Variants in CHRNA7 observed in about 807,000 individuals in gnomAD.
The protein encoded by CHRNA7 is cholinergic receptor nicotinic alpha 7 subunit.
A neutral mutation model predicts 48.0 loss-of-function variants in CHRNA7; 17 were observed. That is an observed-to-expected ratio of 0.35 (90% CI 0.24 to 0.53). The LOEUF is 0.53. Ranked by LOEUF, CHRNA7 falls within the 20% of genes least tolerant of loss-of-function variation. The pLI is 0.92. For missense variants in CHRNA7, 155 were observed against 577.7 expected (o/e 0.27, Z 7.50); for synonymous variants, 75 against 242.3 (o/e 0.31, Z 6.41).
intron 4 of CHRNA7, among the ~76,000 whole-genome samples, chr15:32,114,077 C>CACATATATATATATAT (rs2050822815): frequency 6.4e-5 from 6 of 93,826 alleles, no homozygotes; most frequent in African/African-American, 2.7e-4. Flanking sequence ...TATATATATA[C>CACATATATATATATAT]ACATACATAC....
At chr15:32,114,515 G>A (rs560418795) in intron 4 of CHRNA7, among the ~76,000 whole-genome samples, 6 of 152,130 alleles carry the variant, frequency 3.9e-5, no homozygotes, top group South Asian at 2.1e-4. Context: ...GACCACGTCC[G>A]CCAGGCTTCA....
chr15:32,046,035 A>G (rs921460247), intron 2 of CHRNA7, among the ~76,000 whole-genome samples: 1 of 151,226 alleles, frequency 6.6e-6, no homozygotes, highest in African/African-American at 2.4e-5. Flanking sequence ...TCCATGGTGT[A>G]TATGTGCCAC....
chr15:32,064,093 A>G (rs775381498), intron 2 of CHRNA7, among the ~76,000 whole-genome samples: 7 of 152,204 alleles, frequency 4.6e-5, no homozygotes, highest in Non-Finnish European at 7.3e-5. Flanking sequence ...TCTTATTCCA[A>G]TGTTCCAGTT....
chr15:32,153,040 CTTCT>C (rs1347942147), intron 4 of CHRNA7, among the ~76,000 whole-genome samples: 1 of 126,944 alleles, frequency 7.9e-6, no homozygotes, highest in Non-Finnish European at 1.7e-5. Flanking sequence ...CCTCACTCTC[CTTCT>C]TTTCATCGCT....
intron 2 of CHRNA7, among the ~76,000 whole-genome samples, chr15:32,055,157 A>G (rs984789023): frequency 2.7e-5 from 4 of 150,934 alleles, no homozygotes; most frequent in Non-Finnish European, 5.9e-5. Flanking sequence ...GGAGATTTTC[A>G]TTTTTTTATT....
At chr15:32,077,901 A>G (rs1231984183) in intron 2 of CHRNA7, among the ~76,000 whole-genome samples, 1 of 152,114 alleles carries the variant, frequency 6.6e-6, no homozygotes, top group Non-Finnish European at 1.5e-5. Context: ...AACAGTGGTA[A>G]CTCATTACCA....
At chr15:32,076,228 C>G (rs117647321) in intron 2 of CHRNA7, among the ~76,000 whole-genome samples, 13 of 152,256 alleles carry the variant, frequency 8.5e-5, no homozygotes, top group Non-Finnish European at 1.9e-4. Context: ...GATTTTCTGT[C>G]TCTTTCTCTT....
chr15:32,141,745 A>T (rs2051383226), intron 4 of CHRNA7, among the ~76,000 whole-genome samples: 1 of 152,192 alleles, frequency 6.6e-6, no homozygotes, highest in South Asian at 2.1e-4. Flanking sequence ...GTGTATAGGA[A>T]TGCTTGTGAT....
intron 2 of CHRNA7, among the ~76,000 whole-genome samples, chr15:32,045,884 G>C (rs2049534371): frequency 7.3e-6 from 1 of 137,580 alleles, no homozygotes; most frequent in Non-Finnish European, 1.5e-5. Context: ...TGTTCTCATT[G>C]TTCAATTCCC....
chr15:32,077,234 T>C (rs2050148987), intron 2 of CHRNA7, among the ~76,000 whole-genome samples: 2 of 152,178 alleles, frequency 1.3e-5, no homozygotes, highest in African/African-American at 4.8e-5. Flanking sequence ...TTTTGGGCAA[T>C]TATGAATAAA....
At chr15:32,071,219 T>C (rs2050053150) in intron 2 of CHRNA7, among the ~76,000 whole-genome samples, 1 of 152,174 alleles carries the variant, frequency 6.6e-6, no homozygotes, top group South Asian at 2.1e-4. Context: ...GATGATTGCT[T>C]ATATTCCTTC....
chr15:32,135,314 A>C (rs577927260), intron 4 of CHRNA7, among the ~76,000 whole-genome samples: 3 of 152,384 alleles, frequency 2.0e-5, no homozygotes, highest in Non-Finnish European at 4.4e-5. Context: ...CATGTTGAAG[A>C]ATCTATTTGA....
intron 4 of CHRNA7, among the ~76,000 whole-genome samples, chr15:32,123,530 A>C (rs2051010824): frequency 6.6e-6 from 1 of 152,198 alleles, no homozygotes. Context: ...GATTAAACAG[A>C]TAGGGAAAGA....
Position 32,120,537 on chromosome 15 carries a change from C to T in CHRNA7, c.350+8638C>T, listed in dbSNP as rs573043849. ...TTTCTTTGACCAAATCCCCTGCCAGCCAGTGTGGGCCACAGGGCAGTGCCA... is the reference window on the plus strand; with the variant it reads ...TTTCTTTGACCAAATCCCCTGCCAGTCAGTGTGGGCCACAGGGCAGTGCCA... On this transcript the variant is annotated intron_variant, in intron 4 of 9. Transcript: ENST00000306901. Among the ~76,000 whole-genome samples, 10 of 152,048 alleles carry T rather than the reference C, an allele frequency of 6.6e-5. No individual in the cohort carries two copies. In the South Asian group the frequency reaches 2.1e-3, roughly 32 times the overall value.
chr15:32,099,269 A>G (rs996430890), intron 2 of CHRNA7: 4 of 152,178 alleles, frequency 2.6e-5, no homozygotes, highest in Non-Finnish European at 4.4e-5. Context: ...GAGCCAAGAG[A>G]CTCAGACCGT....
chr15:32,042,074 C>T (rs1232832369), intron 2 of CHRNA7, among the ~76,000 whole-genome samples: 1 of 151,964 alleles, frequency 6.6e-6, no homozygotes, highest in African/African-American at 2.4e-5. Context: ...GTAATTTTTT[C>T]TTGATTGGTG....
At position 32,050,057 on chromosome 15, in the gene CHRNA7, T is replaced by G. The variant is rs568395225; in HGVS notation, c.195+19020T>G. 6.8e-4 allele frequency among the ~76,000 whole-genome samples: 104 copies of G among 152,352 alleles called. 1 individual carries two copies. The highest frequency in any genetic ancestry group is 2.4e-3 in the African/African-American group (101 of 41,574). On this transcript the variant is annotated intron_variant, in intron 2 of 9. Coordinates refer to ENST00000306901, the MANE Select transcript of CHRNA7 (RefSeq NM_000746.6). ...TTTCCCTTTGTGGGTAACCCGACCT[T>G]TCTCTCTGGCTGCCCTTAACGTTTT...
At chr15:32,100,194 C>CT (rs11462504) in intron 2 of CHRNA7, 31,124 of 147,956 alleles carry the variant, frequency 0.21, 3,369 homozygotes, top group African/African-American at 0.28. Context: ...GCCTTTGGGT[C>CT]TTTTTTTTTT....
chr15:32,166,420 A>C (rs902295556), intron 9 of CHRNA7: 1 of 152,254 alleles, frequency 6.6e-6, no homozygotes, highest in East Asian at 1.9e-4. Flanking sequence ...GCCTGCTTGT[A>C]AAGTACAATG....
Sources: allele counts gnomAD v4.1 joint callset (sites outside exome capture counted in the v4.1 genomes callset), GRCh38; gene constraint gnomAD v4.1.1; transcripts MANE v1.5; gene names NCBI Gene and HGNC (gene_info 2026-07-23, HGNC 2026-07-21).